Variants in RAD51B observed in about 807,000 individuals in gnomAD.
The protein encoded by RAD51B is DNA repair protein RAD51 homolog 2.
In RAD51B, 38 loss-of-function variants were observed where a neutral mutation model predicts 42.2. That is an observed-to-expected ratio of 0.90 (90% CI 0.70 to 1.18). The LOEUF is 1.18. Among genes scored for constraint, RAD51B ranks in the 50% most tolerant of loss-of-function variants. The pLI, the probability that RAD51B is intolerant of heterozygous loss-of-function variation, is 0.00. For missense variants in RAD51B, 373 were observed against 400.7 expected (o/e 0.93, Z 0.59); for synonymous variants, 154 against 145.2 (o/e 1.06, Z -0.43).
rs906992671 is a variant in RAD51B, at chr14:68,611,186, T to G, written c.1217T>G (p.Leu406Arg). The G allele has an allele frequency of 1.7e-5, 12 of 703,096 alleles. No individual in the cohort carries two copies. The highest frequency in any genetic ancestry group is 3.1e-5 in the Non-Finnish European group (12 of 385,026). 43.6% of individuals were successfully genotyped at this position (703,096 alleles called of 1,614,324 possible). A position where few individuals can be genotyped will look rare whatever the true frequency, so the allele number is the denominator to read the frequency against. The change falls in exon 11 of 11, where the codon CTT (leucine) becomes CGT (arginine). Residue 406 changes from leucine (L) to arginine (R), a missense_variant. Leu to Arg is a moderately radical substitution (Grantham distance 102). Coordinates refer to the RAD51B transcript ENST00000487861. The stretch of plus-strand genomic sequence containing the variant: ...CACTCAACTGTCCTCTCTTCTGCTC[T>G]TCCTCCTACAAACTGGGCAACTGGA...
chr14:68,381,721 A>G (rs2083482596), intron 8 of RAD51B, among the ~76,000 whole-genome samples: 1 of 152,212 alleles, frequency 6.6e-6, no homozygotes, highest in African/African-American at 2.4e-5. Flanking sequence ...TTTCTTTATA[A>G]TTAGGTTCTA....
intron 7 of RAD51B, among the ~76,000 whole-genome samples, chr14:68,226,484 T>C (rs1481292017): frequency 6.6e-6 from 1 of 152,040 alleles, no homozygotes; most frequent in Non-Finnish European, 1.5e-5. Flanking sequence ...AATTGAATCA[T>C]GGTGGTGGGT....
intron 7 of RAD51B, among the ~76,000 whole-genome samples, chr14:68,031,412 A>C (rs2076039715): frequency 6.6e-6 from 1 of 152,232 alleles, no homozygotes; most frequent in African/African-American, 2.4e-5. Context: ...GAGCCAAACC[A>C]TATCAACATC....
chr14:68,345,659 CTTTT>C (rs756255182), intron 8 of RAD51B, among the ~76,000 whole-genome samples: 2 of 142,124 alleles, frequency 1.4e-5, no homozygotes, highest in African/African-American at 2.6e-5. Flanking sequence ...GTGTTTCTTT[CTTTT>C]TTTTTTTTTT....
intron 4 of RAD51B, among the ~76,000 whole-genome samples, chr14:67,844,186 A>G (rs907519929): frequency 1.4e-5 from 2 of 147,396 alleles, no homozygotes; most frequent in Non-Finnish European, 3.0e-5. Context: ...ATTGATTTCT[A>G]TTTTTATTGT....
intron 7 of RAD51B, among the ~76,000 whole-genome samples, chr14:67,992,691 A>G (rs1488721586): frequency 6.6e-6 from 1 of 152,200 alleles, no homozygotes; most frequent in African/African-American, 2.4e-5. Flanking sequence ...CTTTATTCTT[A>G]TCTACTCCTA....
chr14:68,429,003 T>C (rs1293644670), intron 9 of RAD51B, among the ~76,000 whole-genome samples: 1 of 148,510 alleles, frequency 6.7e-6, no homozygotes, highest in Non-Finnish European at 1.5e-5. Context: ...GAACATGCAG[T>C]GTTTGGTTTT....
At chr14:68,617,164 T>C (rs1172723332) in intron 10 of RAD51B, among the ~76,000 whole-genome samples, 1 of 152,238 alleles carries the variant, frequency 6.6e-6, no homozygotes, top group East Asian at 1.9e-4. Context: ...AAAGGTTACA[T>C]TGTTGAATGT....
intron 8 of RAD51B, among the ~76,000 whole-genome samples, chr14:68,341,230 G>C (rs969431968): frequency 6.6e-6 from 1 of 152,134 alleles, no homozygotes; most frequent in Admixed American, 6.5e-5. Flanking sequence ...GAAATATGAA[G>C]GGTTGAGTTA....
Position 68,477,924 on chromosome 14 carries a change from C to A in RAD51B, c.*260C>A, listed in dbSNP as rs1399753369. Reference sequence around the variant, plus strand: ...CTTTGCCGCCATGGGATGTCAACAGCCATAATAATAATTTGCACTTATATA... The same window carrying A: ...CTTTGCCGCCATGGGATGTCAACAGACATAATAATAATTTGCACTTATATA... On this transcript the variant is annotated 3_prime_UTR_variant, in exon 11 of 11. Transcript: ENST00000471583. The A allele has an allele frequency of 7.9e-7, 1 of 1,272,890 alleles. No individual in the cohort carries two copies. The highest frequency in any genetic ancestry group is 3.1e-5 in the East Asian group (1 of 32,590). 78.8% of individuals were successfully genotyped at this position (1,272,890 alleles called of 1,614,324 possible).
chr14:67,895,230 G>C (rs144996620), intron 7 of RAD51B, among the ~76,000 whole-genome samples: 1 of 152,148 alleles, frequency 6.6e-6, no homozygotes, highest in African/African-American at 2.4e-5. Flanking sequence ...GTTACTTTAC[G>C]TATGTTACAC....
At chr14:68,006,186 C>T (rs995201877) in intron 7 of RAD51B, among the ~76,000 whole-genome samples, 3 of 152,156 alleles carry the variant, frequency 2.0e-5, no homozygotes, top group Non-Finnish European at 2.9e-5. Flanking sequence ...CAAGTGCCTA[C>T]TCAAGTTTTT....
At chr14:67,974,298 C>T (rs1455217810) in intron 7 of RAD51B, among the ~76,000 whole-genome samples, 1 of 152,004 alleles carries the variant, frequency 6.6e-6, no homozygotes, top group Non-Finnish European at 1.5e-5. Context: ...AAAGAAAACT[C>T]CTATTACTTC....
chr14:68,465,951 A>AATT (rs10691924), intron 9 of RAD51B, among the ~76,000 whole-genome samples: 2 of 90,458 alleles, frequency 2.2e-5, no homozygotes, highest in African/African-American at 6.6e-5. Context: ...AAAAAAAAAA[A>AATT]AAATAAATAA....
In RAD51B at chr14:68,326,049, T is replaced by C. The variant is rs569540360; in HGVS notation, c.853+34069T>C. Among the ~76,000 whole-genome samples, 729 of 141,712 alleles carry C rather than the reference T, an allele frequency of 5.1e-3. 20 individuals carry two copies. The highest frequency in any genetic ancestry group is 0.018 in the African/African-American group (687 of 38,184). 93.0% of individuals were successfully genotyped at this position (141,712 alleles called of 152,430 possible). A position where few individuals can be genotyped will look rare whatever the true frequency, so the allele number is the denominator to read the frequency against. Reference sequence around the variant, plus strand: ...ATTCTTTTTCTTTTCTTTTTTTTTTTTTTTTTTTGAGACGGAGTTTCACGC... The same window carrying C: ...ATTCTTTTTCTTTTCTTTTTTTTTTCTTTTTTTTGAGACGGAGTTTCACGC... On this transcript the variant is annotated intron_variant, in intron 8 of 10. Transcript: ENST00000471583.
At chr14:67,936,814 TGCATTTTCTAATG>T (rs1448682886) in intron 7 of RAD51B, among the ~76,000 whole-genome samples, 2 of 152,228 alleles carry the variant, frequency 1.3e-5, no homozygotes, top group Non-Finnish European at 2.9e-5. Flanking sequence ...GGTTTTTGTT[TGCATTTTCTAATG>T]GCTGATGATG....
intron 7 of RAD51B, among the ~76,000 whole-genome samples, chr14:68,152,552 ATGT>A (rs1172090633): frequency 5.3e-5 from 8 of 151,940 alleles, no homozygotes; most frequent in Non-Finnish European, 8.8e-5. Flanking sequence ...TACGCCTCAG[ATGT>A]TGTTTTTTGT....
intron 7 of RAD51B, among the ~76,000 whole-genome samples, chr14:68,045,236 C>CAAAAAAAAAAAAAAA (rs537073885): frequency 3.6e-4 from 8 of 22,092 alleles, no homozygotes; most frequent in Admixed American, 6.4e-4. Flanking sequence ...AACTCTGTCT[C>CAAAAAAAAAAAAAAA]AAAAAAAAAA....
chr14:68,637,361 G>A (rs768536917), intron 10 of RAD51B, among the ~76,000 whole-genome samples: 2 of 152,198 alleles, frequency 1.3e-5, no homozygotes, highest in Non-Finnish European at 2.9e-5. Context: ...TTGCAAGCAT[G>A]AGCCACCTCA....
Sources: allele counts gnomAD v4.1 joint callset (sites outside exome capture counted in the v4.1 genomes callset), GRCh38; gene constraint gnomAD v4.1.1; transcripts MANE v1.5; gene names NCBI Gene and HGNC (gene_info 2026-07-23, HGNC 2026-07-21).